Variants in FAM135A observed in about 807,000 individuals in gnomAD.
FAM135A encodes the protein protein FAM135A.
A neutral mutation model predicts 146.8 loss-of-function variants in FAM135A; 79 were observed. That is an observed-to-expected ratio of 0.54 (90% CI 0.45 to 0.65). The LOEUF (loss-of-function observed/expected upper bound fraction) is 0.65. Ranked by LOEUF, FAM135A falls within the 30% of genes least tolerant of loss-of-function variation. The probability of loss-of-function intolerance (pLI) is 0.00; values close to 1 mark genes in which losing one functional copy is unlikely to be tolerated. For missense variants in FAM135A, 1,623 were observed against 1,758.2 expected, an observed-to-expected ratio of 0.92 and a Z score of 1.38; for synonymous variants, 562 against 603.6, an observed-to-expected ratio of 0.93 and a Z score of 1.01.
chr6:70,539,529 T>A (rs1454652259), intron 20 of FAM135A, among the ~76,000 whole-genome samples: 1 of 152,234 alleles, frequency 6.6e-6, no homozygotes, highest in Non-Finnish European at 1.5e-5. Context: ...CGTCGTTTAC[T>A]AAGTACCACC....
intron 12 of FAM135A, among the ~76,000 whole-genome samples, chr6:70,513,853 G>T (rs570262910): frequency 1.3e-5 from 2 of 152,046 alleles, no homozygotes; most frequent in African/African-American, 4.8e-5. Context: ...TCTGGCCTCT[G>T]TAGTCTGATT....
intron 11 of FAM135A, among the ~76,000 whole-genome samples, chr6:70,500,921 CCT>C: frequency 6.6e-6 from 1 of 152,322 alleles, no homozygotes; most frequent in Middle Eastern, 3.4e-3. Flanking sequence ...TCTGTCGACC[CCT>C]GTTGGGAGTT....
chr6:70,451,710 C>T (rs746259691), intron 4 of FAM135A, among the ~76,000 whole-genome samples: 22 of 151,742 alleles, frequency 1.4e-4, no homozygotes, highest in Admixed American at 2.6e-4. Flanking sequence ...TATCTGAAAC[C>T]GCTCTCTAGG....
At chr6:70,441,745 C>T (rs573345731) in intron 4 of FAM135A, among the ~76,000 whole-genome samples, 11 of 149,166 alleles carry the variant, frequency 7.4e-5, no homozygotes, top group African/African-American at 7.4e-5. Context: ...AGTGCACTGG[C>T]GCCGTCTCAG....
intron 4 of FAM135A, among the ~76,000 whole-genome samples, chr6:70,445,219 G>T (rs1367406927): frequency 6.6e-6 from 1 of 152,182 alleles, no homozygotes; most frequent in African/African-American, 2.4e-5. Context: ...TACTTACTTT[G>T]TTTATGGCTA....
At chr6:70,417,592 A>T (rs1767845231) in intron 2 of FAM135A, 1 of 984,056 alleles carries the variant, frequency 1.0e-6, no homozygotes, top group Non-Finnish European at 1.2e-6. Context: ...TAGAATAAGT[A>T]TTCCTTTATT....
chr6:70,455,234 A>T (rs897053844), intron 5 of FAM135A, among the ~76,000 whole-genome samples: 1 of 151,978 alleles, frequency 6.6e-6, no homozygotes, highest in Non-Finnish European at 1.5e-5. Flanking sequence ...TCTGTCTGTT[A>T]TTGGTGTATA....
intron 19 of FAM135A, among the ~76,000 whole-genome samples, chr6:70,536,734 A>G (rs1241658325): frequency 6.6e-6 from 1 of 152,110 alleles, no homozygotes; most frequent in Non-Finnish European, 1.5e-5. Flanking sequence ...AACAGATAAC[A>G]AACACCTACA....
At position 70,524,703 on chromosome 6, in the gene FAM135A, G is replaced by T; in HGVS notation, c.1619G>T (p.Gly540Val). The T allele has an allele frequency of 6.5e-7, 1 of 1,550,304 alleles. No individual in the cohort carries two copies. Among genetic ancestry groups the T allele is most frequent in the Non-Finnish European group, 8.7e-7 (1 of 1,146,540 alleles). The change falls in exon 15 of 22, where the codon GGC becomes GTC. Residue 540 changes from glycine to valine, a missense_variant. Gly to Val is a moderately radical substitution (Grantham distance 109). Transcript: ENST00000418814. ...ASNDLIKCFE[G>V]NPSHSQKEGL... is the part of the protein sequence containing the mutation. ...AATGATCTCATTAAATGCTTTGAAG[G>T]CAATCCTTCACATAGTCAGAAGGAA... is the stretch of plus-strand genomic sequence containing the variant.
rs1289778659 is a variant in FAM135A, at chr6:70,531,930, C to G, written c.3776-1230C>G. On this transcript the variant is annotated intron_variant, in intron 16 of 21. Transcript: ENST00000418814. ...TTTTTTTTTGAGACAGAATCTCACT[C>G]CGTCAGCAGTGGCACGATCTCGGCT... Among the ~76,000 whole-genome samples the G allele has an allele frequency of 3.7e-5, 5 of 136,332 alleles. No homozygotes were observed. The South Asian group carries it at 7.3e-4, about 20-fold the overall frequency. 89.4% of individuals were successfully genotyped at this position (136,332 alleles called of 152,430 possible).
intron 11 of FAM135A, among the ~76,000 whole-genome samples, chr6:70,492,756 C>G (rs889305225): frequency 6.6e-6 from 1 of 151,028 alleles, no homozygotes; most frequent in African/African-American, 2.4e-5. Context: ...TACTGGAAAC[C>G]AGGGGAATGC....
intron 3 of FAM135A, 99 bp from the exon 4 acceptor site, chr6:70,428,205 C>T: frequency 1.8e-6 from 1 of 544,900 alleles, no homozygotes; most frequent in Non-Finnish European, 3.1e-6. Flanking sequence ...TTATTTTCTG[C>T]CTATGTGTCA....
At position 70,484,927 on chromosome 6, in the gene FAM135A, A is replaced by G. The variant is rs1027913079; in HGVS notation, c.823+2773A>G. Among the ~76,000 whole-genome samples the G allele has an allele frequency of 2.6e-5, 4 of 152,202 alleles. No individual in the cohort carries two copies. The East Asian group carries it at 5.8e-4, about 22-fold the overall frequency. On this transcript the variant is annotated intron_variant, in intron 10 of 21. Transcript: ENST00000418814. ...CTCTGGTGAGGATGGCTTTTATGTC[A>G]TGTATATTACTTTGGGCTTATAGAT...
chr6:70,437,540 A>G (rs1277660727), intron 4 of FAM135A, among the ~76,000 whole-genome samples: 1 of 152,150 alleles, frequency 6.6e-6, no homozygotes, highest in Non-Finnish European at 1.5e-5. Flanking sequence ...ATGAAACAAC[A>G]TCTTCAGAAG....
intron 19 of FAM135A, 46 bp downstream of exon 19, chr6:70,536,457 A>G (rs753367630): frequency 2.1e-6 from 3 of 1,414,014 alleles, no homozygotes; most frequent in South Asian, 1.7e-5. Flanking sequence ...AATAGGGAGA[A>G]AAATATGAAC....
chr6:70,559,530 AT>A (rs1801565201), intron 21 of FAM135A, among the ~76,000 whole-genome samples, 185 bp from the exon 22 acceptor site: 1 of 152,104 alleles, frequency 6.6e-6, no homozygotes, highest in African/African-American at 2.4e-5. Flanking sequence ...GATTACTTAC[AT>A]TTTCTATAAA....
At chr6:70,459,740 C>A (rs1307158440) in intron 5 of FAM135A, among the ~76,000 whole-genome samples, 1 of 151,906 alleles carries the variant, frequency 6.6e-6, no homozygotes, top group East Asian at 1.9e-4. Flanking sequence ...GTTAAAAGAT[C>A]AATTAGTCAC....
chr6:70,463,178 T>C (rs1033029645), intron 5 of FAM135A, among the ~76,000 whole-genome samples: 4 of 152,224 alleles, frequency 2.6e-5, no homozygotes, highest in Non-Finnish European at 4.4e-5. Context: ...TCTCTTCTCC[T>C]TATTACCTCC....
intron 10 of FAM135A, 87 bp downstream of exon 10, chr6:70,482,241 T>G: frequency 1.5e-6 from 2 of 1,358,164 alleles, no homozygotes; most frequent in Non-Finnish European, 9.9e-7. Flanking sequence ...GCCATAGTTT[T>G]TCTATACTAA....
Sources: allele counts gnomAD v4.1 joint callset (sites outside exome capture counted in the v4.1 genomes callset), GRCh38; gene constraint gnomAD v4.1.1; transcripts MANE v1.5; gene names NCBI Gene and HGNC (gene_info 2026-07-23, HGNC 2026-07-21).